SYNPO: variants seen among roughly 807,000 people sequenced by gnomAD.
SYNPO encodes synaptopodin.
In SYNPO, 19 loss-of-function variants were observed where a neutral mutation model predicts 49.5. That is an observed-to-expected ratio of 0.38 (90% confidence interval 0.27 to 0.56). The LOEUF is 0.56. Among genes scored for constraint, SYNPO ranks in the 20% least tolerant of loss-of-function variants. The probability of loss-of-function intolerance (pLI) is 0.68; values close to 1 mark genes in which losing one functional copy is unlikely to be tolerated. For synonymous variants in SYNPO, 536 were observed against 548.0 expected (o/e 0.98, Z 0.31); for missense variants, 1,131 against 1,248.3 (o/e 0.91, Z 1.42).
intron 2 of SYNPO, among the ~76,000 whole-genome samples, chr5:150,631,420 A>T (rs1354310154): frequency 6.6e-6 from 1 of 152,136 alleles, no homozygotes; most frequent in Admixed American, 6.5e-5. Context: ...GAGCTCTAGG[A>T]AAAGGAGCAG....
At chr5:150,639,832 T>C (rs1037175943), upstream of SYNPO, among the ~76,000 whole-genome samples, 1 of 152,198 alleles carries the variant, frequency 6.6e-6, no homozygotes, top group African/African-American at 2.4e-5. Context: ...AGTGAAGCAG[T>C]AGAGGCCCCT....
At chr5:150,624,320 G>T (rs1437665883) in intron 2 of SYNPO, among the ~76,000 whole-genome samples, 1 of 152,186 alleles carries the variant, frequency 6.6e-6, no homozygotes, top group Non-Finnish European at 1.5e-5. Context: ...GAAGAGGTAG[G>T]GTGGGAGGTG....
At chr5:150,640,340 G>C (rs1351309179), upstream of SYNPO, among the ~76,000 whole-genome samples, 1 of 152,204 alleles carries the variant, frequency 6.6e-6, no homozygotes, top group Middle Eastern at 3.2e-3. Context: ...TGCAAACGCT[G>C]CTTTGCAGGC....
rs1161709448 is a variant in SYNPO at position 150,649,151 on chromosome 5, C to G, written c.876C>G (p.Ser292Arg). 17 of 1,614,112 alleles carry G rather than the reference C, an allele frequency of 1.1e-5. No individual in the cohort carries two copies. Among genetic ancestry groups the G allele is most frequent in the Non-Finnish European group, 1.4e-5 (17 of 1,180,004 alleles). ...CACAGAGACACATAATGTCCCGCAG[C>G]CCCATGGTGGAAAGGAGGATGATGG... Reference protein sequence around the residue: ...PRPQRHIMSRSPMVERRMMGQ... With the variant: ...PRPQRHIMSRRPMVERRMMGQ... Residue 292 changes from serine to arginine, a missense_variant, in exon 2 of 3, where the codon AGC becomes AGG. Physicochemically the swap from Ser to Arg is moderately radical, Grantham distance 110. This residue lies in a region of SYNPO where 602 missense variants were observed against 720.7 expected (regional missense o/e 0.84). Transcript: ENST00000307662.
At chr5:150,590,311 C>T in the SYNPO span, among the ~76,000 whole-genome samples, 1 of 152,226 alleles carries the variant, frequency 6.6e-6, no homozygotes, top group Non-Finnish European at 1.5e-5. Flanking sequence ...CCATAGGCCC[C>T]TGGAGGGGGA....
intron 2 of SYNPO, among the ~76,000 whole-genome samples, chr5:150,626,925 A>G (rs565767702): frequency 1.3e-5 from 2 of 152,250 alleles, no homozygotes; most frequent in African/African-American, 4.8e-5. Flanking sequence ...ACCTTCTTCC[A>G]TCTTCTCTCC....
chr5:150,600,640 T>A (rs963357055), upstream of SYNPO, among the ~76,000 whole-genome samples: 1 of 152,156 alleles, frequency 6.6e-6, no homozygotes, highest in Non-Finnish European at 1.5e-5. Flanking sequence ...GGCAGGGGGC[T>A]GGATTCCAGG....
upstream of SYNPO, among the ~76,000 whole-genome samples, chr5:150,599,158 A>G (rs1756476315): frequency 6.6e-6 from 1 of 152,254 alleles, no homozygotes. Flanking sequence ...CAGACAGGGA[A>G]ATCACCATGT....
chr5:150,622,895 C>T (rs533935570), intron 2 of SYNPO, among the ~76,000 whole-genome samples: 4 of 152,188 alleles, frequency 2.6e-5, no homozygotes, highest in African/African-American at 7.2e-5. Context: ...CACATCCATC[C>T]GTAAACACAC....
At chr5:150,610,380 C>G (rs1756814435) in intron 1 of SYNPO, among the ~76,000 whole-genome samples, 1 of 152,216 alleles carries the variant, frequency 6.6e-6, no homozygotes, top group Non-Finnish European at 1.5e-5. Context: ...CACGCCAGGC[C>G]ACAGACACCG....
chr5:150,616,396 CACAGCTAAGTA>C (rs1183052909), intron 1 of SYNPO, among the ~76,000 whole-genome samples: 2 of 152,222 alleles, frequency 1.3e-5, no homozygotes, highest in African/African-American at 4.8e-5. Flanking sequence ...CCTGAGTTCA[CACAGCTAAGTA>C]GCAGCGGAAT....
At chr5:150,598,112 G>A (rs533457220), upstream of SYNPO, among the ~76,000 whole-genome samples, 21 of 152,174 alleles carry the variant, frequency 1.4e-4, no homozygotes, top group African/African-American at 3.9e-4. Flanking sequence ...TCGTGGTCAC[G>A]GGTAGGGCTC....
chr5:150,650,017 C>A lies in SYNPO; in HGVS notation c.1742C>A (p.Ala581Asp). The change falls in exon 2 of 3, where the codon GCC (alanine) becomes GAC (aspartate). Residue 581 changes from alanine to aspartate, a missense_variant. Physicochemically the swap from Ala to Asp is moderately radical, Grantham distance 126 (BLOSUM62 -2). Transcript: ENST00000307662. ...GTCCTCTCACCTATCAAGGAGCCTG[C>A]CAAGGTCTCACCAAGAGCTGCCTCG... ...LFVLSPIKEP[A>D]KVSPRAASPA... 6.2e-7 allele frequency: 1 copy of A among 1,612,506 alleles called. No homozygotes were observed. The highest frequency in any genetic ancestry group is 8.5e-7 in the Non-Finnish European group (1 of 1,179,978).
intron 2 of SYNPO, among the ~76,000 whole-genome samples, chr5:150,620,395 C>A (rs908122896): frequency 6.6e-6 from 1 of 152,154 alleles, no homozygotes; most frequent in African/African-American, 2.4e-5. Flanking sequence ...TTTCATTTAA[C>A]CTCGTAGCAA....
chr5:150,654,404 A>T (rs963458992), intron 2 of SYNPO, among the ~76,000 whole-genome samples: 4 of 152,140 alleles, frequency 2.6e-5, no homozygotes, highest in African/African-American at 9.6e-5. Flanking sequence ...GGCAGAACAC[A>T]CTAGATTGTT....
chr5:150,618,797 A>G (rs1757059219), intron 2 of SYNPO: 1 of 1,550,480 alleles, frequency 6.4e-7, no homozygotes, highest in East Asian at 2.4e-5. Flanking sequence ...CCCTTGGACT[A>G]CCAGAGTCAC....
At chr5:150,601,749 A>C (rs1756548800) in intron 1 of SYNPO, among the ~76,000 whole-genome samples, 1 of 151,944 alleles carries the variant, frequency 6.6e-6, no homozygotes, top group Admixed American at 6.5e-5. Context: ...GTGAGAGGAC[A>C]CTCACCTGAG....
upstream of SYNPO, among the ~76,000 whole-genome samples, chr5:150,598,818 A>G (rs542384692): frequency 1.3e-3 from 202 of 150,372 alleles, no homozygotes; most frequent in Admixed American, 2.6e-3. Flanking sequence ...GGGGCCGCTG[A>G]TGGTGGTGGG....
exon 2 of SYNPO, chr5:150,618,390 C>T (rs1757040017): frequency 6.4e-7 from 1 of 1,551,324 alleles, no homozygotes; most frequent in Non-Finnish European, 8.7e-7. Flanking sequence ...CACCTCCCAC[C>T]TCCGCCCCTT....
Sources: gnomAD v4.1 joint callset for allele counts (sites outside exome capture counted in the v4.1 genomes callset) on GRCh38, gnomAD v4.1.1 for gene constraint, gnomAD v4.1.1 regional missense constraint, MANE v1.5 for transcripts, NCBI Gene and HGNC (gene_info 2026-07-23, HGNC 2026-07-21) for gene names.